SPEF2: variants seen among roughly 807,000 people sequenced by gnomAD.
SPEF2 encodes sperm flagellar and cilia associated 2.
In SPEF2, 187 loss-of-function variants were observed where a neutral mutation model predicts 224.6. The observed-to-expected ratio is 0.83, with a 90% CI of 0.74 to 0.94. SPEF2 has a LOEUF of 0.94. Among genes scored for constraint, SPEF2 ranks in the 40% least tolerant of loss-of-function variants. The pLI is 0.00. For synonymous variants in SPEF2, 715 were observed against 707.3 expected, an observed-to-expected ratio of 1.01 and a Z score of -0.17; for missense variants, 2,170 against 2,135.6, an observed-to-expected ratio of 1.02 and a Z score of -0.32.
At chr5:35,657,634 G>A (rs1749140203) in intron 7 of SPEF2, among the ~76,000 whole-genome samples, 1 of 152,146 alleles carries the variant, frequency 6.6e-6, no homozygotes, top group Admixed American at 6.5e-5. Flanking sequence ...ATCATCAACT[G>A]AGATGGGGAA....
At chr5:35,785,844 A>G (rs936339301) in intron 30 of SPEF2, among the ~76,000 whole-genome samples, 5 of 151,158 alleles carry the variant, frequency 3.3e-5, no homozygotes, top group African/African-American at 1.2e-4. Context: ...GCCATGAGCT[A>G]CCATGCTCCC....
At chr5:35,649,545 C>T (rs1227923353) in intron 6 of SPEF2, 120 bp downstream of exon 6, 1 of 694,878 alleles carries the variant, frequency 1.4e-6, no homozygotes, top group Admixed American at 3.0e-5. Context: ...TCCAAAGAAT[C>T]TTGATTCAGA....
chr5:35,654,264 A>G (rs536739653), intron 6 of SPEF2, among the ~76,000 whole-genome samples: 2 of 152,204 alleles, frequency 1.3e-5, no homozygotes, highest in East Asian at 3.9e-4. Flanking sequence ...TATCTCAAAA[A>G]AAAAAAAAAG....
At chr5:35,782,583 G>T (rs1754493400) in intron 30 of SPEF2, among the ~76,000 whole-genome samples, 1 of 151,970 alleles carries the variant, frequency 6.6e-6, no homozygotes, top group Admixed American at 6.6e-5. Context: ...TTTTAATCAT[G>T]CCACACAAAT....
chr5:35,704,283 T>G (rs1739301314), intron 16 of SPEF2, among the ~76,000 whole-genome samples: 2 of 152,170 alleles, frequency 1.3e-5, no homozygotes, highest in Non-Finnish European at 2.9e-5. Flanking sequence ...CCCATCATTT[T>G]TCATTCTCAT....
At chr5:35,811,885 C>T (rs368631252) in intron 36 of SPEF2, among the ~76,000 whole-genome samples, 157 of 150,802 alleles carry the variant, frequency 1.0e-3, no homozygotes, top group African/African-American at 3.7e-3. Context: ...CCCGGGTTCA[C>T]GCCATTCTCC....
At chr5:35,767,759 T>TTTTATAAA (rs1291389530) in intron 26 of SPEF2, among the ~76,000 whole-genome samples, 3 of 152,114 alleles carry the variant, frequency 2.0e-5, no homozygotes, top group Non-Finnish European at 4.4e-5. Flanking sequence ...GTATTAGATT[T>TTTTATAAA]TTTATAAATG....
chr5:35,793,438 G>C (rs1756227218), intron 32 of SPEF2, 97 bp downstream of exon 32: 4 of 1,251,446 alleles, frequency 3.2e-6, no homozygotes, highest in Non-Finnish European at 1.1e-6. Flanking sequence ...TCTCAGGCCA[G>C]TGCATTGCTT....
intron 2 of SPEF2, among the ~76,000 whole-genome samples, chr5:35,637,203 C>T (rs1283448098): frequency 6.6e-6 from 1 of 152,056 alleles, no homozygotes; most frequent in Non-Finnish European, 1.5e-5. Context: ...TCTTTTCCTA[C>T]CACTATTAAG....
intron 2 of SPEF2, 22 bp downstream of exon 2, chr5:35,628,584 T>A: frequency 6.8e-7 from 1 of 1,467,610 alleles, no homozygotes; most frequent in Non-Finnish European, 9.5e-7. Flanking sequence ...TATTCCTTTT[T>A]GTTGTTGTTG....
At chr5:35,788,632 A>G (rs1219005356) in intron 30 of SPEF2, 1 of 702,998 alleles carries the variant, frequency 1.4e-6, no homozygotes, top group Admixed American at 2.0e-5. Context: ...TTCAACTTAG[A>G]CTGTCGAGCC....
intron 8 of SPEF2, among the ~76,000 whole-genome samples, chr5:35,665,092 G>A (rs1206524392): frequency 6.6e-6 from 1 of 152,038 alleles, no homozygotes; most frequent in Admixed American, 6.6e-5. Flanking sequence ...TTTGTTACAA[G>A]CATGTATAAT....
intron 30 of SPEF2, among the ~76,000 whole-genome samples, chr5:35,782,938 A>G (rs1012150135): frequency 1.3e-5 from 2 of 152,216 alleles, no homozygotes; most frequent in Admixed American, 6.5e-5. Context: ...AGAAAAAATA[A>G]TGACCTTATA....
Position 35,647,785 on chromosome 5 carries a change from A to T in SPEF2, c.726+978A>T, listed in dbSNP as rs530055489. On this transcript the variant is annotated intron_variant, in intron 5 of 36. Transcript: ENST00000356031. ...GCCACACTATTTTTCTATGAATCCC[A>T]GGAATGTTAAGTGACTTGTTGCTAT... 2.0e-5 allele frequency among the ~76,000 whole-genome samples: 3 copies of T among 152,276 alleles called. No homozygotes were observed. The East Asian group carries it at 5.8e-4, about 29-fold the overall frequency.
At chr5:35,718,490 A>T (rs1743024661) in intron 20 of SPEF2, among the ~76,000 whole-genome samples, 1 of 152,068 alleles carries the variant, frequency 6.6e-6, no homozygotes, top group Non-Finnish European at 1.5e-5. Flanking sequence ...CTAGCAAATA[A>T]CCAGGGTACA....
At chr5:35,780,427 G>A (rs1354300020) in intron 30 of SPEF2, among the ~76,000 whole-genome samples, 2 of 152,182 alleles carry the variant, frequency 1.3e-5, no homozygotes, top group Non-Finnish European at 2.9e-5. Flanking sequence ...AAATCAGCTA[G>A]AGCAGGCTTT....
At position 35,644,392 on chromosome 5, in the gene SPEF2, A is replaced by G. The variant is rs373838771; in HGVS notation, c.452A>G (p.Asn151Ser). 2.2e-5 allele frequency: 35 copies of G among 1,604,388 alleles called. No individual in the cohort carries two copies. The highest frequency in any genetic ancestry group is 2.0e-4 in the East Asian group (9 of 44,680). Reference sequence around the variant, plus strand: ...ATGATACCACGTCAAACTGATTTCAATCTGATGCGGATTACATACAGGTTT... The same window carrying G: ...ATGATACCACGTCAAACTGATTTCAGTCTGATGCGGATTACATACAGGTTT... Reference protein sequence around the residue: ...RHMIPRQTDFNLMRITYRFQE... With the variant: ...RHMIPRQTDFSLMRITYRFQE... Residue 151 changes from asparagine (N) to serine (S), a missense_variant, in exon 4 of 37, where the codon AAT (asparagine) becomes AGT (serine). Coordinates refer to ENST00000356031, the MANE Select transcript of SPEF2 (RefSeq NM_024867.4).
At chr5:35,769,665 G>A (rs1470842419) in intron 26 of SPEF2, among the ~76,000 whole-genome samples, 1 of 152,116 alleles carries the variant, frequency 6.6e-6, no homozygotes, top group Admixed American at 6.5e-5. Context: ...AGGCCCCTTT[G>A]GACAATGGGG....
At chr5:35,628,600 T>G (rs766738875) in intron 2 of SPEF2, 38 bp downstream of exon 2, 7 of 1,457,368 alleles carry the variant, frequency 4.8e-6, no homozygotes, top group East Asian at 2.3e-5. Flanking sequence ...TGTTGTTGTT[T>G]ATTTGTTTTG....
Sources: gnomAD v4.1 joint callset for allele counts (sites outside exome capture counted in the v4.1 genomes callset) on GRCh38, gnomAD v4.1.1 for gene constraint, MANE v1.5 for transcripts, NCBI Gene and HGNC (gene_info 2026-07-23, HGNC 2026-07-21) for gene names.